Variants in PTBP3 observed in about 807,000 individuals in gnomAD.
PTBP3 encodes polypyrimidine tract-binding protein 3.
In PTBP3, 20 loss-of-function variants were observed where a neutral mutation model predicts 58.7. The ratio of observed to expected loss-of-function variants is 0.34; its 90% confidence interval spans 0.24 to 0.50. PTBP3 has a LOEUF of 0.50. Among genes scored for constraint, PTBP3 ranks in the 20% least tolerant of loss-of-function variants. The probability of loss-of-function intolerance (pLI) is 0.98; values close to 1 mark genes in which losing one functional copy is unlikely to be tolerated. For synonymous variants in PTBP3, 185 were observed against 219.8 expected (o/e 0.84, Z 1.40); for missense variants, 509 against 637.2 (o/e 0.80, Z 2.17).
intron 1 of PTBP3, among the ~76,000 whole-genome samples, chr9:112,320,289 A>ATATATATATATATAT (rs1554805700): frequency 2.6e-5 from 1 of 39,104 alleles, no homozygotes; most frequent in African/African-American, 2.6e-4. Flanking sequence ...TAAAAAAAAA[A>ATATATATATATATAT]AAATATATAT....
chr9:112,347,250 A>G, the PTBP3 span, among the ~76,000 whole-genome samples: 1 of 152,212 alleles, frequency 6.6e-6, no homozygotes, highest in African/African-American at 2.4e-5. Flanking sequence ...ATGGAATACT[A>G]TATCACAGTG....
At chr9:112,296,458 C>CA (rs1828693248) in intron 2 of PTBP3, among the ~76,000 whole-genome samples, 1 of 152,064 alleles carries the variant, frequency 6.6e-6, no homozygotes, top group Non-Finnish European at 1.5e-5. Context: ...TATACTTGTT[C>CA]ACTTTCCCGA....
At chr9:112,317,235 AC>A (rs1384333852) in intron 1 of PTBP3, among the ~76,000 whole-genome samples, 1 of 151,526 alleles carries the variant, frequency 6.6e-6, no homozygotes, top group Non-Finnish European at 1.5e-5. Flanking sequence ...ACACAGTGAG[AC>A]CCCATATCCA....
chr9:112,245,284 T>A (rs1319046068), intron 7 of PTBP3, among the ~76,000 whole-genome samples: 2 of 152,242 alleles, frequency 1.3e-5, no homozygotes, highest in African/African-American at 4.8e-5. Flanking sequence ...CATTCCAGCC[T>A]GGGCAGAGCG....
chr9:112,320,291 A>AAAAAAAATATAT (rs1411646280), intron 1 of PTBP3, among the ~76,000 whole-genome samples: 1 of 73,568 alleles, frequency 1.4e-5, no homozygotes, highest in African/African-American at 9.0e-5. Context: ...AAAAAAAAAA[A>AAAAAAAATATAT]ATATATATAT....
At chr9:112,326,977 G>A (rs1830182139) in intron 1 of PTBP3, among the ~76,000 whole-genome samples, 1 of 152,194 alleles carries the variant, frequency 6.6e-6, no homozygotes, top group Non-Finnish European at 1.5e-5. Context: ...TAGCACTTTA[G>A]GAGGCTGAGG....
In PTBP3 at chr9:112,223,061, ATAAG is replaced by A. The variant is rs1481293511; in HGVS notation, c.*786_*789del. 1 of 853,618 alleles carries A rather than the reference ATAAG, an allele frequency of 1.2e-6. No homozygotes were observed. Among genetic ancestry groups the A allele is most frequent in the Admixed American group, 6.2e-5 (1 of 16,074 alleles). 52.9% of individuals were successfully genotyped at this position (853,618 alleles called of 1,614,324 possible). A position where few individuals can be genotyped will look rare whatever the true frequency, so the allele number is the denominator to read the frequency against. On this transcript the variant is annotated 3_prime_UTR_variant, in exon 14 of 14. Transcript: ENST00000374257. ...TTTCCAAGATCATATTACTTGACAAATAAGTGTCATTTTGAAATTTAAAACATGA... is the reference window on the plus strand; with the variant it reads ...TTTCCAAGATCATATTACTTGACAAATGTCATTTTGAAATTTAAAACATGA...
intron 2 of PTBP3, among the ~76,000 whole-genome samples, chr9:112,291,333 C>CAAA (rs1353553051): frequency 2.0e-5 from 3 of 151,178 alleles, no homozygotes; most frequent in Non-Finnish European, 1.5e-5. Context: ...CAATCCTTAT[C>CAAA]AAAATCCCAA....
chr9:112,348,304 T>G, the PTBP3 span, among the ~76,000 whole-genome samples: 5 of 152,300 alleles, frequency 3.3e-5, no homozygotes, highest in South Asian at 1.0e-3. Flanking sequence ...GAAAAGGTAG[T>G]TTCCCAAAAG....
rs529811449 is a variant in PTBP3, at chr9:112,271,746, AAAAAAGAAAAAG to A, written c.205-3563_205-3552del. ...AGCAAGACTCCGCTTCAAGAAAGAA[AAAAAAGAAAAAG>A]AAAAAGAAAATAGTTTATAATCTTC... On this transcript the variant is annotated intron_variant, in intron 3 of 13. Transcript: ENST00000374257. Among the ~76,000 whole-genome samples the A allele has an allele frequency of 2.6e-3, 399 of 152,344 alleles. 1 individual carries two copies. The highest frequency in any genetic ancestry group is 8.9e-3 in the African/African-American group (372 of 41,580).
In PTBP3 at chr9:112,234,883, T is replaced by C. The variant is rs1466360081; in HGVS notation, c.817A>G (p.Ile273Val). ...MAAAFGAPGI[I>V]SSPYAGAAGF... Reference sequence around the variant, plus strand: ...GCAGCCCCTGCATATGGTGAAGAAATTATACCCGGTGCACCTAATGGGAAA... The same window carrying C: ...GCAGCCCCTGCATATGGTGAAGAAACTATACCCGGTGCACCTAATGGGAAA... The change falls in exon 8 of 14, where the codon ATT (isoleucine) becomes GTT (valine). Residue 273 changes from isoleucine (I) to valine (V), a missense_variant. Ile to Val is a conservative substitution (Grantham distance 29). This residue lies in a region of PTBP3 where 121 missense variants were observed against 114.8 expected (regional missense o/e 1.05). Coordinates refer to ENST00000374257, the MANE Select transcript of PTBP3 (RefSeq NM_001163788.4). 5 of 1,612,430 alleles carry C rather than the reference T, an allele frequency of 3.1e-6. No homozygotes were observed. In the South Asian group the frequency reaches 5.5e-5, roughly 18 times the overall value.
At chr9:112,301,861 A>G (rs1427776270) in intron 1 of PTBP3, among the ~76,000 whole-genome samples, 1 of 152,208 alleles carries the variant, frequency 6.6e-6, no homozygotes, top group Non-Finnish European at 1.5e-5. Context: ...ATAACTTGCC[A>G]TGCATCTCTA....
At chr9:112,361,689 G>A in the PTBP3 span, among the ~76,000 whole-genome samples, 2 of 152,124 alleles carry the variant, frequency 1.3e-5, no homozygotes, top group Admixed American at 6.5e-5. Flanking sequence ...TAAAATAACA[G>A]TGCCACCTGG....
chr9:112,340,683 G>T, the PTBP3 span, among the ~76,000 whole-genome samples: 23 of 151,868 alleles, frequency 1.5e-4, 1 homozygote, highest in African/African-American at 5.6e-4. Flanking sequence ...AGGAGTTTGA[G>T]ACCAGCCTCA....
At chr9:112,244,309 T>TAAAAAAAAAAAAA (rs1835790060) in intron 7 of PTBP3, among the ~76,000 whole-genome samples, 1 of 44,376 alleles carries the variant, frequency 2.3e-5, no homozygotes. Context: ...AAAAAAAAAG[T>TAAAAAAAAAAAAA]TCTCAGGAAT....
chr9:112,246,806 GA>G (rs758049893), intron 7 of PTBP3, among the ~76,000 whole-genome samples: 2 of 152,040 alleles, frequency 1.3e-5, no homozygotes, highest in Non-Finnish European at 2.9e-5. Context: ...TTACAGGGAA[GA>G]AATCTGCAAG....
chr9:112,265,636 T>C (rs1227647665), intron 4 of PTBP3, among the ~76,000 whole-genome samples: 3 of 152,096 alleles, frequency 2.0e-5, no homozygotes, highest in Non-Finnish European at 4.4e-5. Context: ...ATAGAATGCA[T>C]AGCATGTGAG....
At chr9:112,351,760 G>T in the PTBP3 span, among the ~76,000 whole-genome samples, 1 of 151,886 alleles carries the variant, frequency 6.6e-6, no homozygotes, top group Admixed American at 6.6e-5. Flanking sequence ...AATTTTTCCA[G>T]CTTTGGCCAT....
chr9:112,374,360 G>C, the PTBP3 span, among the ~76,000 whole-genome samples: 238 of 152,324 alleles, frequency 1.6e-3, 3 homozygotes, highest in South Asian at 9.3e-3. Context: ...CACAGGAACA[G>C]GAAGCAAATA....
Sources: allele counts gnomAD v4.1 joint callset (sites outside exome capture counted in the v4.1 genomes callset), GRCh38; gene constraint gnomAD v4.1.1; regional missense constraint gnomAD v4.1.1; transcripts MANE v1.5; gene names NCBI Gene and HGNC (gene_info 2026-07-23, HGNC 2026-07-21).